The following SPTLC3 variants were observed in gnomAD, a reference collection of about 807,000 sequenced individuals.
SPTLC3 encodes the protein serine palmitoyltransferase 3.
A neutral mutation model predicts 59.3 loss-of-function variants in SPTLC3; 36 were observed. The ratio of observed to expected loss-of-function variants is 0.61; its 90% CI spans 0.47 to 0.80. SPTLC3 has a LOEUF of 0.80. Among genes scored for constraint, SPTLC3 ranks in the 30% least tolerant of loss-of-function variants. SPTLC3 has a pLI of 0.00. For synonymous variants in SPTLC3, 257 were observed against 240.8 expected (o/e 1.07, Z -0.62); for missense variants, 625 against 685.1 (o/e 0.91, Z 0.98).
chr20:13,057,906 C>T (rs1167385322), intron 2 of SPTLC3, among the ~76,000 whole-genome samples: 2 of 152,130 alleles, frequency 1.3e-5, no homozygotes, highest in Non-Finnish European at 2.9e-5. Context: ...CAATTAATGT[C>T]GAGCATCATC....
chr20:13,094,177 G>T (rs1176383920), intron 6 of SPTLC3, among the ~76,000 whole-genome samples: 1 of 152,148 alleles, frequency 6.6e-6, no homozygotes, highest in Non-Finnish European at 1.5e-5. Flanking sequence ...GAGGTGGATG[G>T]TGGTGGACAT....
At chr20:13,093,172 T>C (rs577551085) in intron 5 of SPTLC3, among the ~76,000 whole-genome samples, 5 of 151,846 alleles carry the variant, frequency 3.3e-5, no homozygotes, top group African/African-American at 1.2e-4. Flanking sequence ...TCTACCAGTC[T>C]TCCTGTCAGA....
rs552685463 is a variant in SPTLC3 at position 13,104,637 on chromosome 20, C to G, written c.827-5475C>G. 5.3e-5 allele frequency among the ~76,000 whole-genome samples: 8 copies of G among 152,218 alleles called. No individual in the cohort carries two copies. The South Asian group carries it at 1.7e-3, about 32-fold the overall frequency. ...TCCTCTACAAACCAAAAGAAACCTCCTTAGTGAGTCAAATTTTGTGCTGAG... is the reference window on the plus strand; with the variant it reads ...TCCTCTACAAACCAAAAGAAACCTCGTTAGTGAGTCAAATTTTGTGCTGAG... On this transcript the variant is annotated intron_variant, in intron 6 of 11. Transcript: ENST00000399002.
chr20:13,117,688 G>C lies in SPTLC3; in HGVS notation c.1115G>C (p.Ser372Thr), dbSNP rs1990642483. 2.5e-6 allele frequency: 4 copies of C among 1,613,554 alleles called. No homozygotes were observed. In the East Asian group the frequency reaches 8.9e-5, roughly 36 times the overall value. ...VDVLMGTFTK[S>T]FGASGGYIAG... ...GTGCTCATGGGCACATTCACCAAAA[G>C]TTTTGGAGCTTCAGGAGGTTACATA... is the stretch of plus-strand genomic sequence containing the variant. The change falls in exon 8 of 12, where the codon AGT becomes ACT. Residue 372 changes from serine to threonine, a missense_variant. Physicochemically the swap from Ser to Thr is moderately conservative, Grantham distance 58. Transcript: ENST00000399002.
intron 6 of SPTLC3, among the ~76,000 whole-genome samples, chr20:13,101,395 C>G (rs1989595701): frequency 6.6e-6 from 1 of 152,226 alleles, no homozygotes; most frequent in Non-Finnish European, 1.5e-5. Context: ...TTGTGTAAAA[C>G]TCAGTCCAGT....
intron 9 of SPTLC3, among the ~76,000 whole-genome samples, chr20:13,138,960 G>A (rs915564619): frequency 6.6e-6 from 1 of 152,196 alleles, no homozygotes; most frequent in Non-Finnish European, 1.5e-5. Context: ...AAACTCAAAA[G>A]TGTATTTGAC....
At chr20:13,068,999 C>G (rs1003720921) in intron 2 of SPTLC3, among the ~76,000 whole-genome samples, 1 of 152,134 alleles carries the variant, frequency 6.6e-6, no homozygotes, top group Non-Finnish European at 1.5e-5. Context: ...AGAGGTTAGA[C>G]AGGATGAAGT....
At chr20:13,019,338 C>T (rs1245373974) in intron 1 of SPTLC3, among the ~76,000 whole-genome samples, 1 of 152,116 alleles carries the variant, frequency 6.6e-6, no homozygotes, top group Non-Finnish European at 1.5e-5. Context: ...ACATTGCTAA[C>T]AAACACCAAT....
intron 1 of SPTLC3, among the ~76,000 whole-genome samples, chr20:13,024,095 C>A (rs1986027405): frequency 6.6e-6 from 1 of 152,140 alleles, no homozygotes; most frequent in Non-Finnish European, 1.5e-5. Context: ...TTACAAAAAC[C>A]AACTCCGTTG....
chr20:13,101,722 A>G (rs573799201), intron 6 of SPTLC3, among the ~76,000 whole-genome samples: 1 of 152,206 alleles, frequency 6.6e-6, no homozygotes, highest in African/African-American at 2.4e-5. Flanking sequence ...TCAGGCTTTC[A>G]TATGCACACG....
chr20:13,013,883 C>CA lies in SPTLC3; in HGVS notation c.117+4500dup, dbSNP rs1985385459. 2.0e-5 allele frequency among the ~76,000 whole-genome samples: 3 copies of CA among 152,148 alleles called. No individual in the cohort carries two copies. The South Asian group carries it at 6.2e-4, about 31-fold the overall frequency. On this transcript the variant is annotated intron_variant, in intron 1 of 11. Coordinates refer to ENST00000399002, the MANE Select transcript of SPTLC3 (RefSeq NM_018327.4). ...TGCTAGGGATTGCCTTTCTCTGCTC[C>CA]ACGTGGTGTTTGCTGCAGATCAACT...
intron 4 of SPTLC3, among the ~76,000 whole-genome samples, chr20:13,089,963 A>G (rs1160827575): frequency 1.3e-5 from 2 of 152,196 alleles, no homozygotes; most frequent in African/African-American, 4.8e-5. Flanking sequence ...CAGTTGGTGA[A>G]ATGCAGTTTA....
chr20:13,051,333 G>C (rs1987481707), intron 2 of SPTLC3, among the ~76,000 whole-genome samples: 1 of 152,188 alleles, frequency 6.6e-6, no homozygotes, highest in South Asian at 2.1e-4. Context: ...TGGTTAAAAG[G>C]AACAAAGAGG....
At chr20:13,024,018 C>A (rs1986022689) in intron 1 of SPTLC3, among the ~76,000 whole-genome samples, 1 of 152,100 alleles carries the variant, frequency 6.6e-6, no homozygotes, top group Non-Finnish European at 1.5e-5. Flanking sequence ...ATGAATGACC[C>A]ATATATGAGA....
intron 4 of SPTLC3, among the ~76,000 whole-genome samples, chr20:13,076,213 T>C (rs73898409): frequency 0.021 from 3,196 of 152,246 alleles, 116 homozygotes; most frequent in African/African-American, 0.074. Context: ...AGTCAGGAAA[T>C]GAATAAATAA....
intron 8 of SPTLC3, 54 bp from the exon 9 acceptor site, chr20:13,126,537 C>G (rs1362897064): frequency 1.3e-6 from 2 of 1,599,022 alleles, no homozygotes; most frequent in African/African-American, 2.7e-5. Context: ...TAATTCCCAC[C>G]ACCAGTGTTG....
At chr20:13,024,904 CCT>C (rs1160143373) in intron 1 of SPTLC3, among the ~76,000 whole-genome samples, 1 of 152,140 alleles carries the variant, frequency 6.6e-6, no homozygotes, top group Non-Finnish European at 1.5e-5. Context: ...CACTCCATCC[CCT>C]GTCTTCTTGA....
intron 11 of SPTLC3, among the ~76,000 whole-genome samples, chr20:13,161,549 A>G (rs576568302): frequency 3.3e-5 from 5 of 152,286 alleles, no homozygotes; most frequent in East Asian, 3.9e-4. Context: ...CCAGACTTAC[A>G]TGGAACTAGA....
intron 4 of SPTLC3, among the ~76,000 whole-genome samples, chr20:13,075,951 C>T (rs1409527762): frequency 6.6e-6 from 1 of 152,188 alleles, no homozygotes; most frequent in Non-Finnish European, 1.5e-5. Flanking sequence ...GGGTCCCCGA[C>T]TCCATAGGTT....
Sources: gnomAD v4.1 joint callset for allele counts (sites outside exome capture counted in the v4.1 genomes callset) on GRCh38, gnomAD v4.1.1 for gene constraint, MANE v1.5 for transcripts, NCBI Gene and HGNC (gene_info 2026-07-23, HGNC 2026-07-21) for gene names.